EPHA5: variants seen among roughly 807,000 people sequenced by gnomAD.
EPHA5 encodes ephrin type-A receptor 5.
A neutral mutation model predicts 105.0 loss-of-function variants in EPHA5; 60 were observed. That is an observed-to-expected ratio of 0.57 (90% CI 0.46 to 0.71). The LOEUF is 0.71. Among genes scored for constraint, EPHA5 ranks in the 30% least tolerant of loss-of-function variants. The pLI is 0.00. For synonymous variants in EPHA5, 513 were observed against 449.1 expected (o/e 1.14, Z -1.80); for missense variants, 1,218 against 1,274.7 (o/e 0.96, Z 0.68).
At chr4:65,423,169 GT>G (rs1319316880) in intron 5 of EPHA5, among the ~76,000 whole-genome samples, 1 of 151,946 alleles carries the variant, frequency 6.6e-6, no homozygotes, top group African/African-American at 2.4e-5. Context: ...TTAATTTAAT[GT>G]TTTTTCATGA....
At chr4:65,569,192 A>C (rs2149371478) in intron 3 of EPHA5, among the ~76,000 whole-genome samples, 1 of 151,710 alleles carries the variant, frequency 6.6e-6, no homozygotes, top group East Asian at 1.9e-4. Flanking sequence ...TATTTGAATA[A>C]ATGCTTTTTA....
intron 1 of EPHA5, among the ~76,000 whole-genome samples, chr4:65,667,842 T>C (rs1314713376): frequency 1.3e-5 from 2 of 152,128 alleles, no homozygotes; most frequent in African/African-American, 2.4e-5. Context: ...AAAGGATGAA[T>C]GATATTACTG....
At chr4:65,357,922 G>A (rs1723460000) in intron 11 of EPHA5, among the ~76,000 whole-genome samples, 1 of 151,318 alleles carries the variant, frequency 6.6e-6, no homozygotes, top group African/African-American at 2.4e-5. Context: ...CAAAAGAGAA[G>A]AGAATATGCC....
At chr4:65,346,636 A>G (rs1272968025) in intron 14 of EPHA5, among the ~76,000 whole-genome samples, 3 of 152,140 alleles carry the variant, frequency 2.0e-5, no homozygotes, top group South Asian at 4.1e-4. Flanking sequence ...AATGGGATCT[A>G]ATTAAACTAA....
chr4:65,535,110 G>C (rs1736169226), intron 3 of EPHA5, among the ~76,000 whole-genome samples: 1 of 152,140 alleles, frequency 6.6e-6, no homozygotes, highest in Non-Finnish European at 1.5e-5. Context: ...AATCACACTA[G>C]TAAGTATGAA....
intron 5 of EPHA5, among the ~76,000 whole-genome samples, chr4:65,453,104 C>T (rs149727888): frequency 2.0e-5 from 3 of 152,126 alleles, no homozygotes; most frequent in South Asian, 2.1e-4. Flanking sequence ...TTTTGATACT[C>T]GTAATGTAAG....
At chr4:65,415,063 T>C (rs1723263339) in intron 6 of EPHA5, among the ~76,000 whole-genome samples, 1 of 152,174 alleles carries the variant, frequency 6.6e-6, no homozygotes, top group Non-Finnish European at 1.5e-5. Flanking sequence ...GCTAAGTTAA[T>C]GGAGATGTAC....
chr4:65,577,349 T>C (rs1741160185), intron 3 of EPHA5, among the ~76,000 whole-genome samples: 1 of 152,124 alleles, frequency 6.6e-6, no homozygotes, highest in African/African-American at 2.4e-5. Flanking sequence ...ATCTATGTTT[T>C]CCAGGTGATT....
At chr4:65,563,378 A>G (rs1017701033) in intron 3 of EPHA5, among the ~76,000 whole-genome samples, 1 of 152,088 alleles carries the variant, frequency 6.6e-6, no homozygotes, top group African/African-American at 2.4e-5. Flanking sequence ...AATTATTTAG[A>G]GAAGCAAAAA....
At chr4:65,607,966 T>C (rs1052779567) in intron 2 of EPHA5, among the ~76,000 whole-genome samples, 1 of 152,154 alleles carries the variant, frequency 6.6e-6, no homozygotes, top group Non-Finnish European at 1.5e-5. Context: ...GATAAAGAAA[T>C]GGTCACATAT....
intron 3 of EPHA5, among the ~76,000 whole-genome samples, chr4:65,555,436 A>G (rs1057472171): frequency 2.6e-5 from 4 of 151,966 alleles, no homozygotes; most frequent in Non-Finnish European, 5.9e-5. Context: ...AACAAAAACT[A>G]CCTAATAGGT....
chr4:65,482,290 TAA>T (rs58590136), intron 5 of EPHA5, among the ~76,000 whole-genome samples: 64 of 85,122 alleles, frequency 7.5e-4, no homozygotes, highest in African/African-American at 8.1e-4. Flanking sequence ...AAGAACAAGA[TAA>T]AAAAAAAAAA....
intron 5 of EPHA5, among the ~76,000 whole-genome samples, chr4:65,453,444 A>G (rs1727258314): frequency 6.6e-6 from 1 of 152,200 alleles, no homozygotes; most frequent in Non-Finnish European, 1.5e-5. Flanking sequence ...AATTGGTCAC[A>G]GAGAGAACCA....
intron 2 of EPHA5, among the ~76,000 whole-genome samples, chr4:65,611,524 C>CAAAA (rs5858974): frequency 2.5e-5 from 3 of 117,860 alleles, no homozygotes; most frequent in African/African-American, 9.3e-5. Flanking sequence ...GTTGTTCTGG[C>CAAAA]AAAAAAAAAA....
intron 3 of EPHA5, among the ~76,000 whole-genome samples, chr4:65,559,460 C>T (rs1027312803): frequency 6.6e-6 from 1 of 152,130 alleles, no homozygotes; most frequent in Non-Finnish European, 1.5e-5. Flanking sequence ...TGAAGGAGCT[C>T]CTCTTGGGCA....
intron 3 of EPHA5, among the ~76,000 whole-genome samples, chr4:65,527,903 C>T (rs1735393681): frequency 6.6e-6 from 1 of 152,034 alleles, no homozygotes; most frequent in Admixed American, 6.6e-5. Flanking sequence ...TCCGTTTGTT[C>T]TCATCATTTA....
chr4:65,466,726 A>G (rs1280652644), intron 5 of EPHA5, among the ~76,000 whole-genome samples: 12 of 152,172 alleles, frequency 7.9e-5, no homozygotes, highest in Admixed American at 7.9e-4. Flanking sequence ...ATGTGAGGAG[A>G]AAAAGCATCA....
At chr4:65,365,615 A>T (rs1208181330) in intron 10 of EPHA5, among the ~76,000 whole-genome samples, 2 of 139,364 alleles carry the variant, frequency 1.4e-5, no homozygotes, top group Non-Finnish European at 3.1e-5. Context: ...ATATGAACTG[A>T]ATTACATAAA....
chr4:65,401,154 A>G (rs1721781507), intron 8 of EPHA5, among the ~76,000 whole-genome samples: 1 of 152,038 alleles, frequency 6.6e-6, no homozygotes, highest in Non-Finnish European at 1.5e-5. Flanking sequence ...CTTTCCTAGG[A>G]CAAGCTTTTT....
Sources: gnomAD v4.1 joint callset for allele counts (sites outside exome capture counted in the v4.1 genomes callset) on GRCh38, gnomAD v4.1.1 for gene constraint, MANE v1.5 for transcripts, NCBI Gene and HGNC (gene_info 2026-07-23, HGNC 2026-07-21) for gene names.